Variants in DLGAP2 observed in about 807,000 individuals in gnomAD.
DLGAP2 encodes disks large-associated protein 2.
Under a neutral mutation model 100.3 loss-of-function variants are expected in DLGAP2, and 26 were observed. The ratio of observed to expected loss-of-function variants is 0.26; its 90% CI spans 0.19 to 0.36. The LOEUF is 0.36. Among genes scored for constraint, DLGAP2 ranks in the 10% least tolerant of loss-of-function variants. The pLI is 1.00. For synonymous variants in DLGAP2, 886 were observed against 630.1 expected (o/e 1.41, Z -6.08); for missense variants, 1,858 against 1,453.2 (o/e 1.28, Z -4.53).
intron 1 of DLGAP2, among the ~76,000 whole-genome samples, chr8:818,787 A>G (rs1796532945): frequency 6.6e-6 from 1 of 152,244 alleles, no homozygotes; most frequent in Admixed American, 6.5e-5. Flanking sequence ...ATAGAATCAT[A>G]AAGTTAGAAG....
At chr8:1,308,271 C>T (rs572290320) in intron 3 of DLGAP2, among the ~76,000 whole-genome samples, 1 of 152,302 alleles carries the variant, frequency 6.6e-6, no homozygotes, top group South Asian at 2.1e-4. Context: ...AACATACTAG[C>T]TTGAAACAAC....
intron 3 of DLGAP2, among the ~76,000 whole-genome samples, chr8:1,261,603 G>A (rs1799352143): frequency 6.6e-6 from 1 of 152,128 alleles, no homozygotes; most frequent in African/African-American, 2.4e-5. Flanking sequence ...TCCCTGCTCT[G>A]GCCTGCCCCT....
At chr8:1,077,433 G>C (rs568509199) in intron 2 of DLGAP2, among the ~76,000 whole-genome samples, 1 of 152,196 alleles carries the variant, frequency 6.6e-6, no homozygotes, top group Non-Finnish European at 1.5e-5. Flanking sequence ...GTGATGTCAG[G>C]GCCTCAGCTT....
intron 2 of DLGAP2, among the ~76,000 whole-genome samples, chr8:1,028,120 C>T (rs1249457736): frequency 1.4e-5 from 2 of 139,204 alleles, no homozygotes; most frequent in African/African-American, 5.5e-5. Context: ...CGTTATTCTC[C>T]AGGTGGGGTG....
chr8:1,630,404 G>A (rs1294914630), intron 7 of DLGAP2, among the ~76,000 whole-genome samples: 2 of 152,170 alleles, frequency 1.3e-5, no homozygotes, highest in African/African-American at 2.4e-5. Context: ...ACCAAAGTTT[G>A]TTGAAAGTTT....
intron 2 of DLGAP2, among the ~76,000 whole-genome samples, chr8:1,205,494 CA>C (rs1344651735): frequency 6.6e-6 from 1 of 152,184 alleles, no homozygotes; most frequent in Non-Finnish European, 1.5e-5. Context: ...AGGCAATTGA[CA>C]GGGGGACCCT....
intron 6 of DLGAP2, chr8:1,621,825 A>G (rs1173679739): frequency 2.0e-5 from 3 of 152,236 alleles, no homozygotes; most frequent in Non-Finnish European, 4.4e-5. Flanking sequence ...TCTGCAGTCA[A>G]GAGCCCAGAG....
chr8:796,804 C>T (rs1196861325), intron 1 of DLGAP2, among the ~76,000 whole-genome samples: 2 of 152,208 alleles, frequency 1.3e-5, no homozygotes, highest in African/African-American at 4.8e-5. Context: ...TCTCCACTGG[C>T]ACCATGACAG....
chr8:855,035 C>T (rs934886707), intron 1 of DLGAP2, among the ~76,000 whole-genome samples: 14 of 152,156 alleles, frequency 9.2e-5, no homozygotes, highest in East Asian at 5.8e-4. Flanking sequence ...GTAGTGGGTC[C>T]GGGAGGGAGT....
At chr8:1,119,394 C>A (rs547559455) in intron 2 of DLGAP2, among the ~76,000 whole-genome samples, 3 of 152,368 alleles carry the variant, frequency 2.0e-5, no homozygotes, top group African/African-American at 7.2e-5. Context: ...TGTGCATCTA[C>A]TGCAGTGCGT....
chr8:1,104,125 A>T (rs1048587962), intron 2 of DLGAP2, among the ~76,000 whole-genome samples: 1 of 152,198 alleles, frequency 6.6e-6, no homozygotes, highest in African/African-American at 2.4e-5. Flanking sequence ...AGAGGGAGCC[A>T]TGGGGGTACC....
intron 3 of DLGAP2, among the ~76,000 whole-genome samples, chr8:1,322,262 T>C (rs1800918263): frequency 6.6e-6 from 1 of 152,248 alleles, no homozygotes; most frequent in Non-Finnish European, 1.5e-5. Context: ...TTTCCAAAAA[T>C]ACAATTTTAG....
At chr8:1,588,699 C>G (rs1375975253) in intron 6 of DLGAP2, among the ~76,000 whole-genome samples, 1 of 118,446 alleles carries the variant, frequency 8.4e-6, no homozygotes, top group African/African-American at 3.2e-5. Flanking sequence ...GTCAGCAGTT[C>G]AAGACCAGTC....
In DLGAP2 at chr8:1,163,480, G is replaced by C. The variant is rs1796932567; in HGVS notation, c.74-95371G>C. On this transcript the variant is annotated intron_variant, in intron 2 of 14. Coordinates refer to ENST00000637795, the MANE Select transcript of DLGAP2 (RefSeq NM_001346810.2). ...CAGGAAGCAAACTCTGTGGATGCCA[G>C]TGACAATTATTTATTCACCAAGATT... 2.0e-5 allele frequency among the ~76,000 whole-genome samples: 3 copies of C among 152,252 alleles called. No homozygotes were observed. In the South Asian group the frequency reaches 6.2e-4, roughly 31 times the overall value.
At chr8:756,292 G>T (rs1003283337) in intron 1 of DLGAP2, among the ~76,000 whole-genome samples, 1 of 152,102 alleles carries the variant, frequency 6.6e-6, no homozygotes, top group African/African-American at 2.4e-5. Context: ...GGTCATGGCC[G>T]GATAGGGAGC....
intron 3 of DLGAP2, among the ~76,000 whole-genome samples, chr8:1,331,671 G>A (rs1031071633): frequency 6.6e-6 from 1 of 152,206 alleles, no homozygotes; most frequent in Non-Finnish European, 1.5e-5. Flanking sequence ...GACAAACGTG[G>A]TAAAAATATC....
intron 2 of DLGAP2, among the ~76,000 whole-genome samples, chr8:935,319 C>T (rs1001956985): frequency 6.6e-6 from 1 of 152,180 alleles, no homozygotes; most frequent in Non-Finnish European, 1.5e-5. Context: ...CAACCACATG[C>T]GGTCGTGAGC....
chr8:1,166,338 A>G (rs142030073), intron 2 of DLGAP2, among the ~76,000 whole-genome samples: 271 of 152,246 alleles, frequency 1.8e-3, no homozygotes, highest in African/African-American at 6.0e-3. Flanking sequence ...TATCCTCTTC[A>G]TTCAGGACCG....
chr8:1,678,994 C>A, intron 12 of DLGAP2: 1 of 200,102 alleles, frequency 5.0e-6, no homozygotes, highest in Non-Finnish European at 1.0e-5. Context: ...TTGTTACCAG[C>A]TCATGCTTTA....
Sources: gnomAD v4.1 joint callset for allele counts (sites outside exome capture counted in the v4.1 genomes callset) on GRCh38, gnomAD v4.1.1 for gene constraint, MANE v1.5 for transcripts, NCBI Gene and HGNC (gene_info 2026-07-23, HGNC 2026-07-21) for gene names.